The following DENND5A variants were observed in gnomAD, a reference collection of about 807,000 sequenced individuals.
DENND5A encodes the protein DENN domain containing 5A.
In DENND5A, 64 loss-of-function variants were observed where a neutral mutation model predicts 140.3. The observed-to-expected ratio is 0.46, with a 90% confidence interval of 0.37 to 0.56. DENND5A has a LOEUF of 0.56. Among genes scored for constraint, DENND5A ranks in the 20% least tolerant of loss-of-function variants. The pLI, the probability that DENND5A is intolerant of heterozygous loss-of-function variation, is 0.00. For synonymous variants in DENND5A, 605 were observed against 607.7 expected (o/e 1.00, Z 0.07); for missense variants, 1,292 against 1,593.8 (o/e 0.81, Z 3.22).
intron 4 of DENND5A, among the ~76,000 whole-genome samples, chr11:9,193,975 C>A (rs1849230295): frequency 6.6e-6 from 1 of 152,138 alleles, no homozygotes; most frequent in Non-Finnish European, 1.5e-5. Context: ...CAAATACTAC[C>A]ACAGAATGTT....
chr11:9,181,839 T>G (rs999264146), intron 5 of DENND5A, among the ~76,000 whole-genome samples: 1 of 152,208 alleles, frequency 6.6e-6, no homozygotes, highest in African/African-American at 2.4e-5. Context: ...GATTTGACTC[T>G]GTTATGATCT....
chr11:9,182,413 G>A (rs145494006), intron 5 of DENND5A, among the ~76,000 whole-genome samples: 166 of 152,270 alleles, frequency 1.1e-3, no homozygotes, highest in African/African-American at 3.7e-3. Context: ...TAAGTAACAT[G>A]CCAAAAGTCA....
chr11:9,261,442 ACT>A (rs1248668381), intron 1 of DENND5A, among the ~76,000 whole-genome samples: 2 of 151,916 alleles, frequency 1.3e-5, no homozygotes, highest in Non-Finnish European at 2.9e-5. Flanking sequence ...CACCCTGGAG[ACT>A]CTCAGGAAGA....
At chr11:9,165,429 T>C (rs1848155141) in intron 11 of DENND5A, among the ~76,000 whole-genome samples, 1 of 148,294 alleles carries the variant, frequency 6.7e-6, no homozygotes, top group Admixed American at 6.8e-5. Context: ...AAATTAGTAC[T>C]GTCTCATTAT....
chr11:9,226,057 G>A (rs1419143251), intron 1 of DENND5A, among the ~76,000 whole-genome samples: 1 of 151,910 alleles, frequency 6.6e-6, no homozygotes, highest in Non-Finnish European at 1.5e-5. Flanking sequence ...TCCAGCCTGG[G>A]CAACAGAGTG....
intron 1 of DENND5A, among the ~76,000 whole-genome samples, chr11:9,253,852 T>C (rs927425420): frequency 6.0e-5 from 9 of 150,270 alleles, no homozygotes; most frequent in Middle Eastern, 3.3e-3. Flanking sequence ...GGCAACAGGG[T>C]GAGACCCTGT....
At chr11:9,233,098 A>G (rs1850838968) in intron 1 of DENND5A, among the ~76,000 whole-genome samples, 1 of 152,192 alleles carries the variant, frequency 6.6e-6, no homozygotes, top group Admixed American at 6.6e-5. Context: ...CTTCTTGCTC[A>G]CATCCTAAGA....
Position 9,139,924 on chromosome 11 carries a change from G to A in DENND5A, c.3681-70C>T, listed in dbSNP as rs1434925260. The stretch of plus-strand genomic sequence containing the variant: ...AAAGGAAGAGAGAGCGTTAGTGCAA[G>A]GCCAAGGGGGAAACCATGAACTAAG... On this transcript the variant is annotated intron_variant, in intron 22 of 22. Transcript: ENST00000328194. The A allele has an allele frequency of 5.5e-6, 8 of 1,459,886 alleles. No individual in the cohort carries two copies. In the African/African-American group the frequency reaches 8.3e-5, roughly 15 times the overall value. The allele number at this position is 1,459,886 out of a possible 1,614,324, so 90.4% of individuals were successfully genotyped here. A position where few individuals can be genotyped will look rare whatever the true frequency, so the allele number is the denominator to read the frequency against.
In DENND5A at chr11:9,152,431, G is replaced by T; in HGVS notation, c.2448C>A (p.Ala816=). 6.2e-7 allele frequency: 1 copy of T among 1,613,396 alleles called. No individual in the cohort carries two copies. Among genetic ancestry groups the T allele is most frequent in the Non-Finnish European group, 8.5e-7 (1 of 1,179,338 alleles). The change falls in exon 13 of 23, where the codon GCC becomes GCA. Residue 816 remains alanine, a synonymous_variant. Coordinates refer to ENST00000328194, the MANE Select transcript of DENND5A (RefSeq NM_015213.4). ...GATAATGTAACAGGTGGGACCATAAGGCTGATTTCCCCTGGAACCAATGCA... is the reference window on the plus strand; with the variant it reads ...GATAATGTAACAGGTGGGACCATAATGCTGATTTCCCCTGGAACCAATGCA... The part of the protein sequence containing the change: ...HGLQVKQGKS[A]LWSHLLHYQD...
chr11:9,171,697 C>CAGAAAAAA (rs1848379420), intron 8 of DENND5A: 1 of 120,908 alleles, frequency 8.3e-6, no homozygotes, highest in African/African-American at 3.1e-5. Context: ...CTCATCTCTT[C>CAGAAAAAA]AAAAAAAAAA....
chr11:9,261,941 T>C (rs776450891), intron 1 of DENND5A, among the ~76,000 whole-genome samples: 2 of 152,108 alleles, frequency 1.3e-5, no homozygotes, highest in Non-Finnish European at 2.9e-5. Context: ...GCAACCACAT[T>C]TTTAAAAAAA....
chr11:9,213,209 T>C lies in DENND5A; in HGVS notation c.110-5577A>G, dbSNP rs142910227. ...TAAATAGTGACGGGGTTTCACCATG[T>C]TGGCCAGGCTGGTCTCGAACTCTTG... is the stretch of plus-strand genomic sequence containing the variant. On this transcript the variant is annotated intron_variant, in intron 1 of 22. Coordinates refer to ENST00000328194, the MANE Select transcript of DENND5A (RefSeq NM_015213.4). Among the ~76,000 whole-genome samples the C allele has an allele frequency of 3.5e-3, 525 of 152,006 alleles. 3 individuals carry two copies. The highest frequency in any genetic ancestry group is 0.012 in the African/African-American group (494 of 41,476).
At chr11:9,188,235 G>A (rs184006404) in intron 5 of DENND5A, among the ~76,000 whole-genome samples, 1 of 152,314 alleles carries the variant, frequency 6.6e-6, no homozygotes, top group East Asian at 1.9e-4. Context: ...CTCTTTGCCT[G>A]CTGCCATCCA....
intron 1 of DENND5A, among the ~76,000 whole-genome samples, chr11:9,254,791 G>A (rs556177271): frequency 2.0e-4 from 31 of 152,080 alleles, no homozygotes; most frequent in African/African-American, 6.5e-4. Flanking sequence ...AGTCTCAGTC[G>A]GCAAGGTGTG....
At chr11:9,185,322 T>G (rs1848873147) in intron 5 of DENND5A, among the ~76,000 whole-genome samples, 1 of 152,226 alleles carries the variant, frequency 6.6e-6, no homozygotes, top group African/African-American at 2.4e-5. Context: ...TCCACAAGAT[T>G]TAAACTTGTG....
chr11:9,144,146 G>A lies in DENND5A; in HGVS notation c.3255C>T (p.Ser1085=). The A allele has an allele frequency of 1.2e-6, 2 of 1,614,146 alleles. No homozygotes were observed. Among genetic ancestry groups the A allele is most frequent in the Non-Finnish European group, 1.7e-6 (2 of 1,180,012 alleles). ...RPCRTPPLQQ[S]PSVIRRLVTI... Reference sequence around the variant, plus strand: ...TAACAAGCCTCCGGATGACACTGGGGGACTGCTGCAGCGGCGGGGTCCGGC... The same window carrying A: ...TAACAAGCCTCCGGATGACACTGGGAGACTGCTGCAGCGGCGGGGTCCGGC... Residue 1085 remains serine, a synonymous_variant, in exon 19 of 23, where the codon TCC becomes TCT. Coordinates refer to ENST00000328194, the MANE Select transcript of DENND5A (RefSeq NM_015213.4).
intron 19 of DENND5A, among the ~76,000 whole-genome samples, chr11:9,143,849 T>C (rs1490697364): frequency 2.0e-5 from 3 of 152,234 alleles, no homozygotes; most frequent in African/African-American, 4.8e-5. Context: ...CATGCATGAA[T>C]ATATACAGCG....
chr11:9,195,272 G>GT (rs1297020643), intron 4 of DENND5A, among the ~76,000 whole-genome samples: 2 of 150,252 alleles, frequency 1.3e-5, no homozygotes, highest in Non-Finnish European at 3.0e-5. Flanking sequence ...TAGAGACAAG[G>GT]TTTCTCCATG....
chr11:9,166,241 G>A (rs1165790171), intron 10 of DENND5A, among the ~76,000 whole-genome samples: 1 of 151,930 alleles, frequency 6.6e-6, no homozygotes, highest in Non-Finnish European at 1.5e-5. Context: ...ACCACGCCCG[G>A]CTAATTTTTT....
Sources: allele counts gnomAD v4.1 joint callset (sites outside exome capture counted in the v4.1 genomes callset), GRCh38; gene constraint gnomAD v4.1.1; transcripts MANE v1.5; gene names NCBI Gene and HGNC (gene_info 2026-07-23, HGNC 2026-07-21).